The following NALF1 variants were observed in gnomAD, a reference collection of about 807,000 sequenced individuals.
NALF1 encodes family with sequence similarity 155 member A.
Under a neutral mutation model 48.4 loss-of-function variants are expected in NALF1, and 3 were observed. The observed-to-expected ratio is 0.06, with a 90% confidence interval of 0.03 to 0.16. The LOEUF is 0.16. Ranked by LOEUF, NALF1 falls within the 10% of genes least tolerant of loss-of-function variation. NALF1 has a pLI of 1.00. For synonymous variants in NALF1, 262 were observed against 245.7 expected (o/e 1.07, Z -0.62); for missense variants, 526 against 571.5 (o/e 0.92, Z 0.81).
intron 2 of NALF1, 57 bp from the exon 3 acceptor site, chr13:107,170,843 A>T (rs1878787826): frequency 6.6e-7 from 1 of 1,505,892 alleles, no homozygotes; most frequent in South Asian, 1.2e-5. Context: ...GCGACATAGT[A>T]GAGTGAAGCT....
intron 1 of NALF1, among the ~76,000 whole-genome samples, chr13:107,801,448 C>A (rs1431420367): frequency 3.9e-5 from 6 of 152,148 alleles, no homozygotes; most frequent in Non-Finnish European, 8.8e-5. Flanking sequence ...AATTGTAACA[C>A]AGTCAGAGGC....
In NALF1 at chr13:107,778,312, T is replaced by C. The variant is rs140144210; in HGVS notation, c.915+87370A>G. ...GCATCATGCTTAAATCTGGTCACCA[T>C]GTTTTAAGAAGGAATTTAATTAGAG... On this transcript the variant is annotated intron_variant, in intron 1 of 2. Transcript: ENST00000375915. Among the ~76,000 whole-genome samples, 12 of 152,320 alleles carry C rather than the reference T, an allele frequency of 7.9e-5. No homozygotes were observed. In the East Asian group the frequency reaches 2.1e-3, roughly 27 times the overall value.
At chr13:107,797,275 A>G (rs1447594236) in intron 1 of NALF1, among the ~76,000 whole-genome samples, 3 of 152,020 alleles carry the variant, frequency 2.0e-5, no homozygotes, top group Non-Finnish European at 4.4e-5. Context: ...GCACAATCTT[A>G]GCTCACTGCG....
chr13:107,629,965 G>T (rs9514713), intron 1 of NALF1, among the ~76,000 whole-genome samples: 88,107 of 151,832 alleles, frequency 0.58, 27,984 homozygotes, highest in East Asian at 0.99. Flanking sequence ...TCAAGATACC[G>T]TTTCTAAAAT....
chr13:107,175,193 C>T (rs1017642126), intron 2 of NALF1, among the ~76,000 whole-genome samples: 5 of 149,244 alleles, frequency 3.4e-5, no homozygotes, highest in East Asian at 1.9e-4. Flanking sequence ...CCGGCCCAAC[C>T]TTTTCTTTAT....
chr13:107,784,310 T>C (rs1172359310), intron 1 of NALF1, among the ~76,000 whole-genome samples: 1 of 152,188 alleles, frequency 6.6e-6, no homozygotes, highest in Non-Finnish European at 1.5e-5. Flanking sequence ...AGGTAACTAC[T>C]GAAACAAGCA....
At chr13:107,245,185 A>C (rs1880555179) in intron 1 of NALF1, among the ~76,000 whole-genome samples, 1 of 152,226 alleles carries the variant, frequency 6.6e-6, no homozygotes, top group Non-Finnish European at 1.5e-5. Context: ...AAAGCGACTA[A>C]GTGAACACTA....
rs563782464 is a variant in NALF1 at position 107,402,095 on chromosome 13, C to A, written c.916-191340G>T. ...AGCAAAGCTGATGGGATGTCCTTTC[C>A]CTTCTTAGGTTTCAAAAGGTAGTGA... is the stretch of plus-strand genomic sequence containing the variant. On this transcript the variant is annotated intron_variant, in intron 1 of 2. Coordinates refer to ENST00000375915, the MANE Select transcript of NALF1 (RefSeq NM_001080396.3). Among the ~76,000 whole-genome samples, 9 of 150,932 alleles carry A rather than the reference C, an allele frequency of 6.0e-5. No individual in the cohort carries two copies. In the South Asian group the frequency reaches 1.9e-3, roughly 31 times the overall value.
At chr13:107,292,999 T>TTTTTTTTTC (rs1343014338) in intron 1 of NALF1, among the ~76,000 whole-genome samples, 1 of 146,246 alleles carries the variant, frequency 6.8e-6, no homozygotes, top group Non-Finnish European at 1.5e-5. Flanking sequence ...TTTCTTTTTT[T>TTTTTTTTTC]TTTTTTTTTT....
At chr13:107,856,028 C>T (rs181642196) in intron 1 of NALF1, among the ~76,000 whole-genome samples, 1 of 151,622 alleles carries the variant, frequency 6.6e-6, no homozygotes, top group Admixed American at 6.6e-5. Flanking sequence ...CCTCAGCCTC[C>T]TGTGTAGCTG....
chr13:107,696,132 G>C (rs1018838711), intron 1 of NALF1, among the ~76,000 whole-genome samples: 1 of 152,120 alleles, frequency 6.6e-6, no homozygotes, highest in South Asian at 2.1e-4. Flanking sequence ...TCTGATCTCA[G>C]CTAATCTGCC....
intron 2 of NALF1, among the ~76,000 whole-genome samples, chr13:107,205,972 C>T (rs766328430): frequency 4.6e-5 from 7 of 151,942 alleles, no homozygotes; most frequent in African/African-American, 1.7e-4. Flanking sequence ...GGGTTGACAT[C>T]GTAGAATCCA....
chr13:107,417,543 T>C (rs1884111441), intron 1 of NALF1, among the ~76,000 whole-genome samples: 2 of 152,266 alleles, frequency 1.3e-5, no homozygotes, highest in South Asian at 4.1e-4. Context: ...ATGCTGAACT[T>C]TGTGTCTTCC....
At chr13:107,435,531 T>C (rs1439395156) in intron 1 of NALF1, among the ~76,000 whole-genome samples, 1 of 152,192 alleles carries the variant, frequency 6.6e-6, no homozygotes, top group East Asian at 1.9e-4. Context: ...ATGAAATAAT[T>C]ACATTTTAAC....
intron 1 of NALF1, among the ~76,000 whole-genome samples, chr13:107,308,069 TA>T: frequency 6.6e-6 from 1 of 152,250 alleles, no homozygotes; most frequent in East Asian, 1.9e-4. Context: ...CTTAGTATAA[TA>T]CCAGTGTATT....
intron 1 of NALF1, among the ~76,000 whole-genome samples, chr13:107,555,890 G>T (rs559392259): frequency 6.6e-6 from 1 of 151,920 alleles, no homozygotes; most frequent in East Asian, 1.9e-4. Flanking sequence ...CAGCAAAAAA[G>T]ATAATATTTT....
chr13:107,842,269 CTATTT>C (rs1880062996), intron 1 of NALF1, among the ~76,000 whole-genome samples: 2 of 151,708 alleles, frequency 1.3e-5, no homozygotes, highest in South Asian at 4.2e-4. Flanking sequence ...TGAAGTATGC[CTATTT>C]TATAGATGAA....
At chr13:107,468,902 A>G (rs80235291) in intron 1 of NALF1, among the ~76,000 whole-genome samples, 5,120 of 152,276 alleles carry the variant, frequency 0.034, 149 homozygotes, top group African/African-American at 0.078. Context: ...ATAATTACCT[A>G]TTAAAATAAA....
At chr13:107,771,702 G>T (rs1263957380) in intron 1 of NALF1, among the ~76,000 whole-genome samples, 1 of 152,086 alleles carries the variant, frequency 6.6e-6, no homozygotes, top group South Asian at 2.1e-4. Context: ...ACTCAGACTT[G>T]AGAGTGTCCA....
Sources: gnomAD v4.1 joint callset for allele counts (sites outside exome capture counted in the v4.1 genomes callset) on GRCh38, gnomAD v4.1.1 for gene constraint, MANE v1.5 for transcripts, NCBI Gene and HGNC (gene_info 2026-07-23, HGNC 2026-07-21) for gene names.